The following ZNF362 variants were observed in gnomAD, a reference collection of about 807,000 sequenced individuals.
ZNF362 encodes zinc finger protein 362, also known as rotund homolog.
ZNF362 carries 11 observed loss-of-function variants against 42.9 expected under a neutral mutation model. The ratio of observed to expected loss-of-function variants is 0.26; its 90% CI spans 0.16 to 0.42. The LOEUF (loss-of-function observed/expected upper bound fraction) is 0.42. Ranked by LOEUF, ZNF362 falls within the 20% of genes least tolerant of loss-of-function variation. The pLI is 1.00. For missense variants in ZNF362, 362 were observed against 576.2 expected (o/e 0.63, Z 3.81); for synonymous variants, 255 against 257.3 (o/e 0.99, Z 0.09).
the ZNF362 span, chr1:33,180,953 T>TGGGGGGGGGGGGGGGGGGGGG: frequency 1.4e-6 from 1 of 724,330 alleles, no homozygotes; most frequent in Non-Finnish European, 2.0e-6. Flanking sequence ...GGTCCAGCCC[T>TGGGGGGGGGGGGGGGGGGGGG]GACCCCACCC....
the ZNF362 span, among the ~76,000 whole-genome samples, chr1:33,191,508 GTTTTTGT>G: frequency 5.3e-5 from 8 of 150,114 alleles, no homozygotes; most frequent in African/African-American, 2.0e-4. Flanking sequence ...TTTTGTTTTT[GTTTTTGT>G]TTTTGTTTTT....
chr1:33,198,069 A>G, the ZNF362 span, among the ~76,000 whole-genome samples: 51 of 152,358 alleles, frequency 3.3e-4, no homozygotes, highest in South Asian at 8.3e-4. Flanking sequence ...AGAGTAACTT[A>G]ACTACATTAA....
chr1:33,214,394 A>G, the ZNF362 span, among the ~76,000 whole-genome samples: 1 of 152,224 alleles, frequency 6.6e-6, no homozygotes, highest in African/African-American at 2.4e-5. Flanking sequence ...TGAAACTACT[A>G]AAAGGAAACA....
At chr1:33,295,108 G>GCCCT (rs758693364) in intron 7 of ZNF362, 39 bp from the exon 8 acceptor site, 9 of 1,613,128 alleles carry the variant, frequency 5.6e-6, no homozygotes, top group Non-Finnish European at 7.6e-6. Flanking sequence ...GGGTGAGGGA[G>GCCCT]CCCTGTTCCT....
At chr1:33,178,836 T>C in the ZNF362 span, among the ~76,000 whole-genome samples, 8 of 152,348 alleles carry the variant, frequency 5.3e-5, no homozygotes, top group South Asian at 1.7e-3. Flanking sequence ...TTGTAGGTAA[T>C]ACATGTTCAA....
the ZNF362 span, among the ~76,000 whole-genome samples, chr1:33,161,622 C>T: frequency 6.6e-6 from 1 of 152,144 alleles, no homozygotes; most frequent in Non-Finnish European, 1.5e-5. This position sits in a 1 kb window ranked among gnomAD's most constrained non-coding sequence, Gnocchi z 4.3. Context: ...GGATGCACGG[C>T]CAGGCTGCCG....
chr1:33,249,752 G>A, the ZNF362 span, among the ~76,000 whole-genome samples: 3 of 152,076 alleles, frequency 2.0e-5, no homozygotes, highest in Non-Finnish European at 2.9e-5. Flanking sequence ...AGTGCAGGCT[G>A]GTGTTCTCAG....
the ZNF362 span, among the ~76,000 whole-genome samples, chr1:33,190,079 A>T: frequency 6.6e-6 from 1 of 151,560 alleles, no homozygotes; most frequent in South Asian, 2.1e-4. Flanking sequence ...TCCTGTGTAC[A>T]GTTACTGTGG....
chr1:33,298,415 G>C (rs1646139997), intron 8 of ZNF362, among the ~76,000 whole-genome samples: 1 of 152,204 alleles, frequency 6.6e-6, no homozygotes, highest in African/African-American at 2.4e-5. Context: ...TCCATGCTAA[G>C]GGCTTGATCT....
At chr1:33,217,887 T>G in the ZNF362 span, among the ~76,000 whole-genome samples, 1 of 152,216 alleles carries the variant, frequency 6.6e-6, no homozygotes, top group Admixed American at 6.5e-5. Flanking sequence ...CATGGATATC[T>G]ATGTAAAAAA....
rs191357461 is a variant in ZNF362, at chr1:33,297,249, A to G, written c.1147-1681A>G. On this transcript the variant is annotated intron_variant, in intron 8 of 8. Transcript: ENST00000539719. ...CCTCTCTCCAAGGCTCAAGTTTTCC[A>G]TAACCTCCTACACCATCAACCAATC... Among the ~76,000 whole-genome samples, 607 of 152,268 alleles carry G rather than the reference A, an allele frequency of 4.0e-3. 6 individuals are homozygous for G. Among genetic ancestry groups the G allele is most frequent in the African/African-American group, 0.014 (574 of 41,526 alleles).
rs189996244 is a variant in ZNF362, at chr1:33,294,789, A to G, written c.909-148A>G. The stretch of plus-strand genomic sequence containing the variant: ...AAGAGCCATGGCCGTTGAAGTCCCC[A>G]GCTCTTGCCTGGGCTCACTCTTGGT... On this transcript the variant is annotated intron_variant, in intron 6 of 8. Coordinates refer to ENST00000539719, the MANE Select transcript of ZNF362 (RefSeq NM_152493.3). The surrounding 1 kb of genome is among the most constrained non-coding windows in gnomAD (Gnocchi z 4.2). 17 of 795,960 alleles carry G rather than the reference A, an allele frequency of 2.1e-5. No individual in the cohort carries two copies. In the African/African-American group the frequency reaches 2.8e-4, roughly 13 times the overall value. The allele number at this position is 795,960 out of a possible 1,614,324, so 49.3% of individuals were successfully genotyped here.
chr1:33,289,583 G>A (rs1646060993), intron 6 of ZNF362, among the ~76,000 whole-genome samples: 1 of 152,126 alleles, frequency 6.6e-6, no homozygotes, highest in Non-Finnish European at 1.5e-5. Context: ...GAGGACTGTC[G>A]GTCAGTCAGT....
chr1:33,172,159 T>C, the ZNF362 span, among the ~76,000 whole-genome samples: 3 of 152,218 alleles, frequency 2.0e-5, no homozygotes, highest in Admixed American at 2.0e-4. Context: ...ATTCATGACC[T>C]GACATGACGT....
At chr1:33,283,061 G>A (rs1360281837) in intron 6 of ZNF362, among the ~76,000 whole-genome samples, 5 of 152,098 alleles carry the variant, frequency 3.3e-5, no homozygotes, top group Non-Finnish European at 7.4e-5. Flanking sequence ...ACTGGTTTTT[G>A]TTGTGGAGTT....
At chr1:33,260,778 C>T (rs188376123) in intron 1 of ZNF362, among the ~76,000 whole-genome samples, 2 of 152,112 alleles carry the variant, frequency 1.3e-5, no homozygotes, top group African/African-American at 4.8e-5. Flanking sequence ...CTTCTCCTTC[C>T]TCCCACCCCG....
the ZNF362 span, among the ~76,000 whole-genome samples, chr1:33,236,531 TAAAAA>T: frequency 2.4e-4 from 1 of 4,186 alleles, no homozygotes; most frequent in African/African-American, 4.0e-4. Flanking sequence ...CTCTGCCTCT[TAAAAA>T]AAAAAAAAAA....
the ZNF362 span, among the ~76,000 whole-genome samples, chr1:33,160,878 G>C: frequency 8.5e-5 from 13 of 152,322 alleles, no homozygotes; most frequent in Non-Finnish European, 1.0e-4. Flanking sequence ...AGCAAGGACT[G>C]GTGTTTATAG....
At chr1:33,163,143 A>G in the ZNF362 span, 1 of 151,938 alleles carries the variant, frequency 6.6e-6, no homozygotes, top group East Asian at 1.9e-4. Context: ...GGTTCAAGCA[A>G]TTCTCCTGCC....
Sources: gnomAD v4.1 joint callset for allele counts (sites outside exome capture counted in the v4.1 genomes callset) on GRCh38, gnomAD v4.1.1 for gene constraint, Gnocchi (gnomAD v3.1) non-coding constraint, MANE v1.5 for transcripts, NCBI Gene and HGNC (gene_info 2026-07-23, HGNC 2026-07-21) for gene names.